Variants in MDGA2 observed in about 807,000 individuals in gnomAD.
MDGA2 encodes MAM domain containing glycosylphosphatidylinositol anchor 2, also known as MAM domain-containing glycosylphosphatidylinositol anchor protein 2.
Under a neutral mutation model 117.8 loss-of-function variants are expected in MDGA2, and 40 were observed. The observed-to-expected ratio is 0.34, with a 90% confidence interval of 0.26 to 0.44. MDGA2 has a LOEUF of 0.44. MDGA2 is among the 20% of genes least tolerant of loss of function. MDGA2 has a pLI of 1.00. For synonymous variants in MDGA2, 452 were observed against 439.0 expected (o/e 1.03, Z -0.37); for missense variants, 1,123 against 1,250.6 (o/e 0.90, Z 1.54).
intron 1 of MDGA2, among the ~76,000 whole-genome samples, chr14:47,563,831 G>C (rs757566868): frequency 6.6e-6 from 1 of 151,948 alleles, no homozygotes; most frequent in East Asian, 1.9e-4. Context: ...AGACTTGTTT[G>C]TGTGGTTGCT....
At position 46,957,640 on chromosome 14, in the gene MDGA2, G is replaced by A. The variant is rs752584344; in HGVS notation, c.1823C>T (p.Pro608Leu). 1 of 1,613,954 alleles carries A rather than the reference G, an allele frequency of 6.2e-7. No individual in the cohort carries two copies. Among genetic ancestry groups the A allele is most frequent in the Middle Eastern group, 1.6e-4 (1 of 6,062 alleles). ...CAAGAATGCTGGTTCCACTGCAGGG[G>A]GATCTGTAGAAAAGATATGTAAAAA... ...EALVQLIVQY[P>L]PAVEPAFLEI... Residue 608 changes from proline (P) to leucine (L), a missense_variant, in exon 9 of 17, where the codon CCC becomes CTC. This residue lies in a region of MDGA2 where 890 missense variants were observed against 1,050.3 expected (regional missense o/e 0.85). Transcript: ENST00000399232.
chr14:47,547,984 A>G (rs564207154), intron 1 of MDGA2, among the ~76,000 whole-genome samples: 91 of 152,296 alleles, frequency 6.0e-4, no homozygotes, highest in Non-Finnish European at 1.1e-3. Flanking sequence ...GCTTTCTGCT[A>G]TTATTGTCAC....
intron 1 of MDGA2, among the ~76,000 whole-genome samples, chr14:47,555,281 C>T (rs1895661782): frequency 6.6e-6 from 1 of 152,118 alleles, no homozygotes; most frequent in South Asian, 2.1e-4. Flanking sequence ...TTCAACAATG[C>T]TGCAACTTTC....
At chr14:47,121,923 G>A (rs1175452605) in intron 5 of MDGA2, among the ~76,000 whole-genome samples, 1 of 151,938 alleles carries the variant, frequency 6.6e-6, no homozygotes, top group Non-Finnish European at 1.5e-5. Context: ...AAATAATCAT[G>A]TAAGCCCCAT....
At chr14:47,198,652 T>C (rs1253011513) in intron 3 of MDGA2, among the ~76,000 whole-genome samples, 1 of 152,222 alleles carries the variant, frequency 6.6e-6, no homozygotes, top group Non-Finnish European at 1.5e-5. Flanking sequence ...GCAATGATGC[T>C]ATGAATATTC....
At chr14:47,180,645 A>C (rs1417897751) in intron 3 of MDGA2, among the ~76,000 whole-genome samples, 1 of 152,198 alleles carries the variant, frequency 6.6e-6, no homozygotes, top group African/African-American at 2.4e-5. Flanking sequence ...CACAGCAGTC[A>C]GAATGGCTAT....
chr14:46,899,117 C>T (rs532349395), intron 10 of MDGA2, among the ~76,000 whole-genome samples: 2 of 151,916 alleles, frequency 1.3e-5, no homozygotes, highest in Non-Finnish European at 2.9e-5. Flanking sequence ...TTTTCTCTCC[C>T]ACACCACATC....
chr14:47,446,411 A>G (rs1893123314), intron 1 of MDGA2, among the ~76,000 whole-genome samples: 1 of 152,168 alleles, frequency 6.6e-6, no homozygotes, highest in Non-Finnish European at 1.5e-5. Context: ...ATTACAGCTC[A>G]TAAAAGCCTA....
intron 1 of MDGA2, among the ~76,000 whole-genome samples, chr14:47,631,698 G>T (rs1262063514): frequency 6.6e-6 from 1 of 151,840 alleles, no homozygotes; most frequent in Admixed American, 6.6e-5. Context: ...TATTTTCATT[G>T]CTGCAACACT....
chr14:47,244,887 C>T (rs1476772394), intron 2 of MDGA2, among the ~76,000 whole-genome samples: 1 of 151,926 alleles, frequency 6.6e-6, no homozygotes, highest in South Asian at 2.1e-4. Flanking sequence ...CCTAAGACAG[C>T]AAGACCAAGT....
chr14:47,395,578 A>G (rs1891990609), intron 1 of MDGA2, among the ~76,000 whole-genome samples: 2 of 152,174 alleles, frequency 1.3e-5, no homozygotes, highest in South Asian at 4.1e-4. Context: ...ATGTTATTCA[A>G]TATGAACTTG....
chr14:47,214,345 CA>C (rs2139495832), intron 3 of MDGA2, among the ~76,000 whole-genome samples: 1 of 152,204 alleles, frequency 6.6e-6, no homozygotes, highest in African/African-American at 2.4e-5. Context: ...TAAAATCTAC[CA>C]GCCTATAAAC....
chr14:47,224,807 T>C (rs1594737143), intron 2 of MDGA2, among the ~76,000 whole-genome samples: 1 of 152,186 alleles, frequency 6.6e-6, no homozygotes, highest in African/African-American at 2.4e-5. Flanking sequence ...TAATTATTAA[T>C]AGGCAGAGTT....
At chr14:47,309,692 C>T (rs1889573394) in intron 1 of MDGA2, among the ~76,000 whole-genome samples, 1 of 151,702 alleles carries the variant, frequency 6.6e-6, no homozygotes, top group African/African-American at 2.4e-5. Flanking sequence ...TGATGTTAAC[C>T]AAGAATTTAA....
chr14:47,074,165 G>C (rs11157538), intron 6 of MDGA2, among the ~76,000 whole-genome samples: 44,234 of 151,778 alleles, frequency 0.29, 7,417 homozygotes, highest in African/African-American at 0.46. Context: ...ATATAATACA[G>C]AAAGTCTTTC....
intron 8 of MDGA2, among the ~76,000 whole-genome samples, chr14:47,006,920 G>C (rs1009056060): frequency 1.3e-5 from 2 of 151,630 alleles, no homozygotes; most frequent in African/African-American, 4.8e-5. Flanking sequence ...TATTGTCCTG[G>C]AGCAGGCTGG....
At chr14:47,380,308 G>C (rs1157180430) in intron 1 of MDGA2, among the ~76,000 whole-genome samples, 1 of 152,040 alleles carries the variant, frequency 6.6e-6, no homozygotes, top group Non-Finnish European at 1.5e-5. Context: ...ACAATTAAAA[G>C]AACTACAAAA....
intron 10 of MDGA2, among the ~76,000 whole-genome samples, chr14:46,896,807 A>G (rs878876849): frequency 6.6e-6 from 1 of 152,194 alleles, no homozygotes; most frequent in Admixed American, 6.6e-5. Context: ...ATGACAAGAA[A>G]TGCTACTTGC....
chr14:47,036,196 G>A (rs1379670844), intron 7 of MDGA2, among the ~76,000 whole-genome samples: 1 of 150,426 alleles, frequency 6.6e-6, no homozygotes, highest in Non-Finnish European at 1.5e-5. Context: ...TGTGAACCCG[G>A]GAGGCGGAGC....
Sources: allele counts gnomAD v4.1 joint callset (sites outside exome capture counted in the v4.1 genomes callset), GRCh38; gene constraint gnomAD v4.1.1; regional missense constraint gnomAD v4.1.1; transcripts MANE v1.5; gene names NCBI Gene and HGNC (gene_info 2026-07-23, HGNC 2026-07-21).